Variants in PTBP3 observed in about 807,000 individuals in gnomAD.
The protein encoded by PTBP3 is polypyrimidine tract binding protein 3, also known as polypyrimidine tract-binding protein 3.
A neutral mutation model predicts 58.7 loss-of-function variants in PTBP3; 20 were observed. The ratio of observed to expected loss-of-function variants is 0.34; its 90% CI spans 0.24 to 0.50. The LOEUF is 0.50. Among genes scored for constraint, PTBP3 ranks in the 20% least tolerant of loss-of-function variants. The pLI is 0.98. For synonymous variants in PTBP3, 185 were observed against 219.8 expected (o/e 0.84, Z 1.40); for missense variants, 509 against 637.2 (o/e 0.80, Z 2.17).
the PTBP3 span, among the ~76,000 whole-genome samples, chr9:112,366,912 G>C: frequency 6.6e-6 from 1 of 152,192 alleles, no homozygotes; most frequent in South Asian, 2.1e-4. Flanking sequence ...TAAAGCCACA[G>C]GGGTGGAGCT....
the PTBP3 span, among the ~76,000 whole-genome samples, chr9:112,356,099 T>A: frequency 2.0e-5 from 3 of 151,038 alleles, no homozygotes; most frequent in African/African-American, 7.3e-5. Flanking sequence ...TGCCTCAGCC[T>A]CCCAAGTAGC....
the PTBP3 span, among the ~76,000 whole-genome samples, chr9:112,352,222 G>T: frequency 2.0e-5 from 3 of 152,122 alleles, no homozygotes; most frequent in Non-Finnish European, 4.4e-5. Flanking sequence ...ACCCTGCCTG[G>T]TTCCTTTTAT....
chr9:112,294,007 C>T (rs1243773505), intron 2 of PTBP3, among the ~76,000 whole-genome samples: 1 of 152,144 alleles, frequency 6.6e-6, no homozygotes, highest in Non-Finnish European at 1.5e-5. Flanking sequence ...TATAGCATAT[C>T]AAAATACCCC....
intron 2 of PTBP3, among the ~76,000 whole-genome samples, chr9:112,285,673 C>A (rs1000417195): frequency 6.6e-6 from 1 of 152,180 alleles, no homozygotes; most frequent in African/African-American, 2.4e-5. Flanking sequence ...TGTTCAAATA[C>A]AATTTTATGT....
At chr9:112,229,887 C>T (rs1410628379) in intron 10 of PTBP3, among the ~76,000 whole-genome samples, 1 of 152,108 alleles carries the variant, frequency 6.6e-6, no homozygotes, top group Non-Finnish European at 1.5e-5. Flanking sequence ...GAGAAATTAA[C>T]TACTTTTGGT....
chr9:112,334,387 C>T (rs1269951752), upstream of PTBP3, among the ~76,000 whole-genome samples: 1 of 152,104 alleles, frequency 6.6e-6, no homozygotes, highest in African/African-American at 2.4e-5. Flanking sequence ...GATGAAAATA[C>T]ATATACAAAG....
intron 12 of PTBP3, among the ~76,000 whole-genome samples, chr9:112,226,043 C>CA (rs1017634451): frequency 1.3e-5 from 2 of 151,628 alleles, no homozygotes; most frequent in Non-Finnish European, 2.9e-5. Flanking sequence ...GACCCTGTCT[C>CA]AAAAAAAAAT....
intron 4 of PTBP3, among the ~76,000 whole-genome samples, chr9:112,263,431 C>A (rs1429367070): frequency 6.6e-6 from 1 of 152,154 alleles, no homozygotes; most frequent in Non-Finnish European, 1.5e-5. Context: ...ATTACTAACA[C>A]AACAAATGGA....
chr9:112,365,330 G>A, the PTBP3 span, among the ~76,000 whole-genome samples: 1 of 152,176 alleles, frequency 6.6e-6, no homozygotes, highest in East Asian at 1.9e-4. Context: ...CCCAGTGGGA[G>A]ATAATTGAAT....
the PTBP3 span, among the ~76,000 whole-genome samples, chr9:112,339,560 T>G: frequency 4.0e-5 from 6 of 151,854 alleles, no homozygotes; most frequent in African/African-American, 1.4e-4. Context: ...TTTTTTTCTT[T>G]TCACTCTTTT....
intron 5 of PTBP3, 121 bp downstream of exon 5, chr9:112,262,314 T>C: frequency 1.2e-6 from 1 of 841,768 alleles, no homozygotes; most frequent in South Asian, 3.2e-5. Context: ...TGAAGTTTTT[T>C]TCATTATTTA....
At chr9:112,356,597 T>C in the PTBP3 span, among the ~76,000 whole-genome samples, 1 of 138,752 alleles carries the variant, frequency 7.2e-6, no homozygotes, top group Admixed American at 7.3e-5. Context: ...AAAAAAATGG[T>C]GAAATACAGC....
chr9:112,368,866 A>C, the PTBP3 span, among the ~76,000 whole-genome samples: 2 of 152,230 alleles, frequency 1.3e-5, no homozygotes, highest in African/African-American at 2.4e-5. Context: ...TGGGAGACCT[A>C]GGAGAAAGAA....
chr9:112,314,370 T>C (rs973355215), intron 1 of PTBP3, among the ~76,000 whole-genome samples: 2 of 152,202 alleles, frequency 1.3e-5, no homozygotes, highest in Non-Finnish European at 2.9e-5. Context: ...TGAATACATA[T>C]AGTAACTGAG....
chr9:112,366,478 T>A, the PTBP3 span, among the ~76,000 whole-genome samples: 9 of 152,000 alleles, frequency 5.9e-5, no homozygotes, highest in Non-Finnish European at 8.8e-5. Flanking sequence ...TTCCAGCCAC[T>A]CCAGCCATGG....
intron 1 of PTBP3, among the ~76,000 whole-genome samples, chr9:112,320,314 A>ATATATATATATATATATTTT: frequency 6.3e-3 from 472 of 75,494 alleles, no homozygotes; most frequent in Middle Eastern, 9.6e-3. Flanking sequence ...ATATATATAT[A>ATATATATATATATATATTTT]TTTTTTTTTA....
In PTBP3 at chr9:112,297,917, CTGAA is replaced by C; in HGVS notation, c.-51-5_-51-2del. 1 of 1,608,902 alleles carries C rather than the reference CTGAA, an allele frequency of 6.2e-7. No individual in the cohort carries two copies. The highest frequency in any genetic ancestry group is 8.5e-7 in the Non-Finnish European group (1 of 1,178,140). On this transcript the variant is annotated splice_acceptor_variant and splice_polypyrimidine_tract_variant and intron_variant, in intron 1 of 13. Transcript: ENST00000374257. LOFTEE classifies it low-confidence loss of function (5UTR_SPLICE). ...AAGAAAGAAGCTCATCAGATCCCCGCTGAAAAGCAAAACCAATGTTTGGTTAATA... is the reference window on the plus strand; with the variant it reads ...AAGAAAGAAGCTCATCAGATCCCCGCAAGCAAAACCAATGTTTGGTTAATA...
intron 1 of PTBP3, chr9:112,330,433 A>G: frequency 6.6e-7 from 1 of 1,508,842 alleles, no homozygotes; most frequent in Non-Finnish European, 9.1e-7. Context: ...ATAGTAAAAG[A>G]TTCCTACCTT....
At chr9:112,376,954 C>A in the PTBP3 span, among the ~76,000 whole-genome samples, 1 of 152,188 alleles carries the variant, frequency 6.6e-6, no homozygotes, top group South Asian at 2.1e-4. Context: ...GTTTTATGAC[C>A]CCTTTCTTCC....
Sources: gnomAD v4.1 joint callset for allele counts (sites outside exome capture counted in the v4.1 genomes callset) on GRCh38, gnomAD v4.1.1 for gene constraint, MANE v1.5 for transcripts, NCBI Gene and HGNC (gene_info 2026-07-23, HGNC 2026-07-21) for gene names.